GPM6B: variants seen among roughly 807,000 people sequenced by gnomAD.
GPM6B encodes neuronal membrane glycoprotein M6-b.
Under a neutral mutation model 27.2 loss-of-function variants are expected in GPM6B, and 4 were observed. That is an observed-to-expected ratio of 0.15 (90% CI 0.07 to 0.34). The LOEUF (loss-of-function observed/expected upper bound fraction) is 0.34. Among genes scored for constraint, GPM6B ranks in the 10% least tolerant of loss-of-function variants. GPM6B has a pLI of 1.00. For missense variants in GPM6B, 183 were observed against 261.9 expected (o/e 0.70, Z 2.08); for synonymous variants, 124 against 103.1 (o/e 1.20, Z -1.23).
chrX:13,851,934 G>A (rs1215938065), intron 1 of GPM6B, among the ~76,000 whole-genome samples: 6 of 107,826 alleles, frequency 5.6e-5, no homozygotes, highest in Non-Finnish European at 1.1e-4. Context: ...CGTAACATGA[G>A]TTTGCTCAGA....
chrX:13,834,313 G>GA (rs1239900295), intron 1 of GPM6B, among the ~76,000 whole-genome samples: 2 of 112,516 alleles, frequency 1.8e-5, no homozygotes, highest in Non-Finnish European at 3.7e-5. Context: ...ACTAGGCAGA[G>GA]ATAATTCTTC....
chrX:13,784,218 CCA>C lies in GPM6B; in HGVS notation c.369-699_369-698del, dbSNP rs774907560. 5.7e-4 allele frequency among the ~76,000 whole-genome samples: 64 copies of C among 112,912 alleles called. 2 individuals carry two copies. In the South Asian group the frequency reaches 0.022, roughly 40 times the overall value. On this transcript the variant is annotated intron_variant, in intron 3 of 7. Coordinates refer to ENST00000316715, the MANE Select transcript of GPM6B (RefSeq NM_001001995.3). The stretch of plus-strand genomic sequence containing the variant: ...AAATACTGGTACCTGGATCCCGCCC[CCA>C]GAGATTATGTCCTAATTGGTCTGGG...
intron 1 of GPM6B, among the ~76,000 whole-genome samples, chrX:13,871,517 G>C (rs2049978563): frequency 8.9e-6 from 1 of 112,230 alleles, no homozygotes. Flanking sequence ...TCTCCTCAAA[G>C]TGTGGCCCTT....
intron 1 of GPM6B, among the ~76,000 whole-genome samples, chrX:13,888,321 A>G (rs2050157014): frequency 8.9e-6 from 1 of 111,775 alleles, no homozygotes; most frequent in Non-Finnish European, 1.9e-5. Flanking sequence ...AAAATTAATT[A>G]CCTTCCATTT....
chrX:13,795,847 G>A (rs1262068711), intron 2 of GPM6B, among the ~76,000 whole-genome samples: 1 of 108,362 alleles, frequency 9.2e-6, no homozygotes, highest in Non-Finnish European at 1.9e-5. Flanking sequence ...CTGCCTCCCG[G>A]GTTCAAGTGA....
chrX:13,783,416 T>C lies in GPM6B; in HGVS notation c.474A>G (p.Glu158=). The C allele has an allele frequency of 8.3e-7, 1 of 1,206,580 alleles. No homozygotes were observed. Among genetic ancestry groups the C allele is most frequent in the Non-Finnish European group, 1.1e-6 (1 of 891,994 alleles). ...EGFYTTSAVK[E]LHGEFKTTAC... ...CGGTTGTTTTAAACTCACCGTGCAG[T>C]TCTTTCACTGCACTTGTGGTGTAAA... The change falls in exon 4 of 8, where the codon GAA becomes GAG. Residue 158 remains glutamate, a synonymous_variant. Coordinates refer to ENST00000316715, the MANE Select transcript of GPM6B (RefSeq NM_001001995.3).
chrX:13,782,351 C>T (rs917657376), intron 4 of GPM6B, among the ~76,000 whole-genome samples: 1 of 111,541 alleles, frequency 9.0e-6, no homozygotes, highest in Non-Finnish European at 1.9e-5. Context: ...CTCCTCTCCT[C>T]TCCACCATGT....
At chrX:13,807,003 A>G (rs1170203028) in intron 2 of GPM6B, among the ~76,000 whole-genome samples, 1 of 111,664 alleles carries the variant, frequency 9.0e-6, no homozygotes, top group Non-Finnish European at 1.9e-5. Context: ...TAGGTCCCCA[A>G]ATCAGCTGTC....
At chrX:13,884,924 C>G (rs1275104514) in intron 1 of GPM6B, among the ~76,000 whole-genome samples, 1 of 111,968 alleles carries the variant, frequency 8.9e-6, no homozygotes, top group Non-Finnish European at 1.9e-5. Flanking sequence ...TCAAATGACA[C>G]GACCCAACAG....
At chrX:13,797,550 C>A (rs926359238) in intron 2 of GPM6B, among the ~76,000 whole-genome samples, 1 of 110,937 alleles carries the variant, frequency 9.0e-6, no homozygotes, top group African/African-American at 3.3e-5. Flanking sequence ...GAAGGTAGGT[C>A]CCCCCATTGC....
chrX:13,886,719 T>TAAAAAAAAAAAAAAAA (rs5901522), intron 1 of GPM6B, among the ~76,000 whole-genome samples: 1,652 of 35,023 alleles, frequency 0.047, 246 homozygotes, highest in East Asian at 0.065. Flanking sequence ...AAGTCACTAC[T>TAAAAAAAAAAAAAAAA]AAAAAAAAAA....
At chrX:13,780,747 C>T (rs766334707) in intron 4 of GPM6B, among the ~76,000 whole-genome samples, 2 of 110,998 alleles carry the variant, frequency 1.8e-5, no homozygotes, top group African/African-American at 6.7e-5. Flanking sequence ...TTTCCTCTGC[C>T]TTGACCACTT....
intron 7 of GPM6B, 124 bp from the exon 8 acceptor site, chrX:13,773,154 G>A (rs2048331948): frequency 5.7e-6 from 3 of 522,369 alleles, no homozygotes; most frequent in Admixed American, 3.7e-5. Flanking sequence ...ATAAATACTC[G>A]CTCTACTAGC....
At chrX:13,934,177 T>A (rs1489181601) in intron 1 of GPM6B, among the ~76,000 whole-genome samples, 2 of 111,165 alleles carry the variant, frequency 1.8e-5, no homozygotes, top group African/African-American at 6.5e-5. Context: ...GGTATTCGAC[T>A]ATGAGGTTTA....
At chrX:13,895,652 T>C (rs2050225971) in intron 1 of GPM6B, among the ~76,000 whole-genome samples, 1 of 111,863 alleles carries the variant, frequency 8.9e-6, no homozygotes, top group South Asian at 3.8e-4. Context: ...GAAACAATAA[T>C]GAATGTTAGA....
rs758045945 is a variant in GPM6B, at chrX:13,922,994, A to G, written c.-198+15333T>C. Among the ~76,000 whole-genome samples, 252 of 111,734 alleles carry G rather than the reference A, an allele frequency of 2.3e-3. 2 individuals carry two copies. The highest frequency in any genetic ancestry group is 7.4e-3 in the African/African-American group (227 of 30,752). The stretch of plus-strand genomic sequence containing the variant: ...AGTTTGAGACCAGCCTGGCTAACAC[A>G]GTGAAACCCATTTCTACTAAAAATA... On this transcript the variant is annotated intron_variant, in intron 1 of 6. Transcript: ENST00000398361.
At chrX:13,777,522 T>C in intron 5 of GPM6B, 97 bp from the exon 6 acceptor site, 1 of 549,275 alleles carries the variant, frequency 1.8e-6, no homozygotes, top group Non-Finnish European at 3.2e-6. Context: ...AGTGTAATTG[T>C]AGGCTATGTT....
At chrX:13,808,888 C>A (rs1253702302) in intron 1 of GPM6B, among the ~76,000 whole-genome samples, 3 of 112,099 alleles carry the variant, frequency 2.7e-5, no homozygotes, top group Non-Finnish European at 3.8e-5. Flanking sequence ...CAGAAACCTG[C>A]TTTTCTAGAA....
chrX:13,879,317 C>T (rs903127784), intron 1 of GPM6B, among the ~76,000 whole-genome samples: 48 of 112,216 alleles, frequency 4.3e-4, no homozygotes, highest in African/African-American at 1.5e-3. Flanking sequence ...ATGAGCCACC[C>T]AGGGGTTAAA....
Sources: gnomAD v4.1 joint callset for allele counts (sites outside exome capture counted in the v4.1 genomes callset) on GRCh38, gnomAD v4.1.1 for gene constraint, MANE v1.5 for transcripts, NCBI Gene and HGNC (gene_info 2026-07-23, HGNC 2026-07-21) for gene names.